Variants in UNC13C observed in about 807,000 individuals in gnomAD.
UNC13C encodes the protein unc-13 homolog C, also known as protein unc-13 homolog C.
A neutral mutation model predicts 245.4 loss-of-function variants in UNC13C; 174 were observed. That is an observed-to-expected ratio of 0.71 (90% CI 0.63 to 0.80). The LOEUF is 0.80. UNC13C is among the 30% of genes least tolerant of loss of function. The pLI is 0.00. For synonymous variants in UNC13C, 992 were observed against 895.1 expected (o/e 1.11, Z -1.93); for missense variants, 2,829 against 2,602.9 (o/e 1.09, Z -1.89).
intron 7 of UNC13C, among the ~76,000 whole-genome samples, chr15:54,246,413 G>T (rs372144567): frequency 6.2e-5 from 9 of 144,908 alleles, no homozygotes; most frequent in African/African-American, 1.3e-4. Context: ...TGAAAATAAT[G>T]TTTTTTTTTT....
chr15:54,516,736 G>T lies in UNC13C; in HGVS notation c.5457+4906G>T, dbSNP rs369334517. On this transcript the variant is annotated intron_variant, in intron 24 of 32. Coordinates refer to ENST00000260323, the MANE Select transcript of UNC13C (RefSeq NM_001080534.3). ...AATCACTTGAACCCTAGAGGCGGAG[G>T]TTGCAGTGAGCAGAGATCGCACCAC... 5.3e-5 allele frequency among the ~76,000 whole-genome samples: 8 copies of T among 150,140 alleles called. 1 individual carries two copies. The South Asian group carries it at 6.3e-4, about 12-fold the overall frequency.
chr15:54,056,371 C>T (rs984197358), intron 2 of UNC13C, among the ~76,000 whole-genome samples: 17 of 151,504 alleles, frequency 1.1e-4, no homozygotes, highest in East Asian at 3.9e-4. Flanking sequence ...CAATGGAAGA[C>T]GAAATGAATG....
chr15:54,558,666 A>G (rs1897182913), intron 29 of UNC13C, among the ~76,000 whole-genome samples: 1 of 152,042 alleles, frequency 6.6e-6, no homozygotes, highest in Admixed American at 6.6e-5. Flanking sequence ...TTATAAGTCA[A>G]GAGTGTCAAA....
intron 17 of UNC13C, among the ~76,000 whole-genome samples, chr15:54,364,407 C>T (rs967448618): frequency 2.6e-5 from 4 of 152,026 alleles, no homozygotes; most frequent in Non-Finnish European, 5.9e-5. Flanking sequence ...AAAAGTTAGC[C>T]ACCAACAAAG....
chr15:54,044,804 T>G (rs1172066819), intron 2 of UNC13C, among the ~76,000 whole-genome samples: 1 of 152,224 alleles, frequency 6.6e-6, no homozygotes, highest in Admixed American at 6.5e-5. Flanking sequence ...GCTGCTAGTT[T>G]AAATTTGCCT....
At chr15:54,362,597 C>T (rs561962461) in intron 17 of UNC13C, among the ~76,000 whole-genome samples, 3 of 152,226 alleles carry the variant, frequency 2.0e-5, no homozygotes, top group South Asian at 4.1e-4. Context: ...TTCACAAAAA[C>T]GGAGTTATAG....
rs768924772 is a variant in UNC13C, at chr15:54,393,057, C to G, written c.4723C>G (p.Gln1575Glu). The G allele has an allele frequency of 6.2e-7, 1 of 1,602,172 alleles. No homozygotes were observed. The highest frequency in any genetic ancestry group is 1.3e-5 in the African/African-American group (1 of 74,148). ...YSQLTDPSKKQDIPREDQGPT... is the reference protein window; with the variant it reads ...YSQLTDPSKKEDIPREDQGPT... ...GTGAACTTGTGAGCAGAGTAAGAAA[C>G]AGGATATTCCTCGTGAAGATCAGGG... is the stretch of plus-strand genomic sequence containing the variant. Residue 1575 changes from glutamine (Q) to glutamate (E), a missense_variant, in exon 18 of 33, where the codon CAG becomes GAG. Coordinates refer to ENST00000260323, the MANE Select transcript of UNC13C (RefSeq NM_001080534.3).
At chr15:53,900,458 A>G in the UNC13C span, among the ~76,000 whole-genome samples, 2 of 152,214 alleles carry the variant, frequency 1.3e-5, no homozygotes, top group Non-Finnish European at 2.9e-5. Context: ...ATGGTGACAG[A>G]GAAATGTTTA....
intron 4 of UNC13C, among the ~76,000 whole-genome samples, chr15:54,165,328 GT>G (rs1250465714): frequency 6.6e-6 from 1 of 152,044 alleles, no homozygotes; most frequent in Non-Finnish European, 1.5e-5. Context: ...AATAAATTCT[GT>G]AACAATATGG....
chr15:54,072,445 T>C (rs1422059219), intron 2 of UNC13C, among the ~76,000 whole-genome samples: 4 of 152,184 alleles, frequency 2.6e-5, no homozygotes, highest in African/African-American at 9.7e-5. Flanking sequence ...CTTTGCACTC[T>C]TTTGCTTCTT....
At chr15:54,210,855 T>C (rs2140748893) in intron 4 of UNC13C, among the ~76,000 whole-genome samples, 1 of 152,234 alleles carries the variant, frequency 6.6e-6, no homozygotes. Flanking sequence ...GAGGTGGGCC[T>C]TTGTGGATGC....
chr15:54,618,562 T>G (rs1387393491), intron 30 of UNC13C, among the ~76,000 whole-genome samples: 3 of 72,580 alleles, frequency 4.1e-5, no homozygotes, highest in African/African-American at 3.1e-4. Context: ...TCAATTGAGA[T>G]ATCCTGTGTT....
chr15:53,998,922 T>C (rs1894756824), intron 1 of UNC13C, among the ~76,000 whole-genome samples: 1 of 152,066 alleles, frequency 6.6e-6, no homozygotes, highest in Non-Finnish European at 1.5e-5. Flanking sequence ...TTTCAAAAAT[T>C]AAATCAGCCT....
At chr15:54,558,456 A>G (rs991530504) in intron 29 of UNC13C, among the ~76,000 whole-genome samples, 1 of 152,038 alleles carries the variant, frequency 6.6e-6, no homozygotes, top group African/African-American at 2.4e-5. Flanking sequence ...AGCAGGCTAA[A>G]AGGGATACTT....
At chr15:54,148,607 A>G (rs1388004873) in intron 4 of UNC13C, among the ~76,000 whole-genome samples, 3 of 151,882 alleles carry the variant, frequency 2.0e-5, no homozygotes, top group Non-Finnish European at 4.4e-5. Flanking sequence ...AGTTGTTCCT[A>G]CTCTCCAGGG....
chr15:54,538,726 T>A (rs1480289537), intron 26 of UNC13C, among the ~76,000 whole-genome samples: 1 of 151,944 alleles, frequency 6.6e-6, no homozygotes, highest in African/African-American at 2.4e-5. Context: ...GCCATTATCC[T>A]TTGTGAACTA....
At chr15:54,341,108 T>C (rs1307581968) in intron 17 of UNC13C, among the ~76,000 whole-genome samples, 2 of 152,224 alleles carry the variant, frequency 1.3e-5, no homozygotes, top group East Asian at 3.9e-4. Context: ...TTACTGAGAA[T>C]CTATACAAAA....
chr15:54,574,921 C>T (rs1320131854), intron 30 of UNC13C, among the ~76,000 whole-genome samples: 2 of 152,152 alleles, frequency 1.3e-5, no homozygotes, highest in African/African-American at 4.8e-5. Flanking sequence ...ATCCTGGAAT[C>T]TATTAATATA....
chr15:54,027,738 T>C (rs188299480), intron 2 of UNC13C, among the ~76,000 whole-genome samples: 167 of 151,594 alleles, frequency 1.1e-3, no homozygotes, highest in African/African-American at 3.8e-3. Context: ...AGGGTTGTCC[T>C]CCTTAGCAGT....
Sources: gnomAD v4.1 joint callset for allele counts (sites outside exome capture counted in the v4.1 genomes callset) on GRCh38, gnomAD v4.1.1 for gene constraint, MANE v1.5 for transcripts, NCBI Gene and HGNC (gene_info 2026-07-23, HGNC 2026-07-21) for gene names.